The following DYNC2H1 variants were observed in gnomAD, a reference collection of about 807,000 sequenced individuals.
DYNC2H1 encodes the protein dynein cytoplasmic 2 heavy chain 1.
Under a neutral mutation model 570.0 loss-of-function variants are expected in DYNC2H1, and 410 were observed. The observed-to-expected ratio is 0.72, with a 90% CI of 0.66 to 0.78. DYNC2H1 has a LOEUF of 0.78. Ranked by LOEUF, DYNC2H1 falls within the 30% of genes least tolerant of loss-of-function variation. The probability of loss-of-function intolerance (pLI) is 0.00; values close to 1 mark genes in which losing one functional copy is unlikely to be tolerated. For synonymous variants in DYNC2H1, 1,688 were observed against 1,677.6 expected (o/e 1.01, Z -0.15); for missense variants, 4,865 against 5,046.4 (o/e 0.96, Z 1.09).
At chr11:103,444,305 A>G (rs963699501) in intron 85 of DYNC2H1, among the ~76,000 whole-genome samples, 1 of 151,990 alleles carries the variant, frequency 6.6e-6, no homozygotes, top group Non-Finnish European at 1.5e-5. Flanking sequence ...AGACTAAGAT[A>G]ATTTCAACCT....
chr11:103,171,023 T>C lies in DYNC2H1; in HGVS notation c.5289T>C (p.Asp1763=). The C allele has an allele frequency of 6.2e-7, 1 of 1,612,266 alleles. No homozygotes were observed. Among genetic ancestry groups the C allele is most frequent in the South Asian group, 1.1e-5 (1 of 90,858 alleles). ...CTATGCAAATCCAGACAATTCAAGA[T>C]GCTTTGAAGAATCATAGAACTGTAT... is the stretch of plus-strand genomic sequence containing the variant. ...AVSMQIQTIQ[D]ALKNHRTVCE... Residue 1763 remains aspartate (D), a synonymous_variant, in exon 34 of 89, where the codon GAT becomes GAC. Coordinates refer to ENST00000375735, the MANE Select transcript of DYNC2H1 (RefSeq NM_001377.3).
rs952237692 is a variant in DYNC2H1 at position 103,185,337 on chromosome 11, C to G, written c.6633+286C>G. 3.0e-4 allele frequency among the ~76,000 whole-genome samples: 46 copies of G among 151,746 alleles called. No individual in the cohort carries two copies. The highest frequency in any genetic ancestry group is 8.6e-4 in the Admixed American group (13 of 15,184). ...AGACATTTTTGAACCTACTTGTCTACATTAATAATTATTTCATTCATTTAA... is the reference window on the plus strand; with the variant it reads ...AGACATTTTTGAACCTACTTGTCTAGATTAATAATTATTTCATTCATTTAA... On this transcript the variant is annotated intron_variant, in intron 41 of 88. Coordinates refer to ENST00000375735, the MANE Select transcript of DYNC2H1 (RefSeq NM_001377.3). The surrounding 1 kb of genome is among the most constrained non-coding windows in gnomAD (Gnocchi z 4.5).
At chr11:103,322,290 A>G (rs1938251203) in intron 81 of DYNC2H1, among the ~76,000 whole-genome samples, 2 of 152,110 alleles carry the variant, frequency 1.3e-5, no homozygotes, top group South Asian at 4.1e-4. Flanking sequence ...GTGTACCCCA[A>G]CAAGTTTTCC....
At chr11:103,368,945 C>A (rs905519329) in intron 83 of DYNC2H1, among the ~76,000 whole-genome samples, 1 of 152,112 alleles carries the variant, frequency 6.6e-6, no homozygotes, top group East Asian at 1.9e-4. Context: ...CTCCCCTCTA[C>A]CAACCCTGCA....
At chr11:103,356,109 A>C (rs530127636) in intron 82 of DYNC2H1, among the ~76,000 whole-genome samples, 3 of 152,272 alleles carry the variant, frequency 2.0e-5, no homozygotes, top group Non-Finnish European at 2.9e-5. Context: ...ATATGTTGTT[A>C]ATGAATTAAA....
At chr11:103,115,020 G>C (rs1445401345) in intron 3 of DYNC2H1, among the ~76,000 whole-genome samples, 157 bp from the exon 4 acceptor site, 16 of 152,062 alleles carry the variant, frequency 1.1e-4, no homozygotes. Context: ...TTTGTTTATA[G>C]TATGAAATAG....
At chr11:103,385,687 A>C (rs1282456740) in intron 83 of DYNC2H1, among the ~76,000 whole-genome samples, 4 of 152,214 alleles carry the variant, frequency 2.6e-5, no homozygotes, top group Non-Finnish European at 1.5e-5. Flanking sequence ...AAAGCTCTAA[A>C]ACTTGGAATC....
At chr11:103,236,674 A>T in intron 63 of DYNC2H1, 135 bp downstream of exon 63, 2 of 479,402 alleles carry the variant, frequency 4.2e-6, no homozygotes, top group Non-Finnish European at 3.6e-6. Context: ...GCTAATGAAA[A>T]CCCATCAATG....
In DYNC2H1 at chr11:103,277,175, A is replaced by G. The variant is rs1464319606; in HGVS notation, c.10696-3173A>G. 6.6e-6 allele frequency among the ~76,000 whole-genome samples: 1 copy of G among 152,048 alleles called. No homozygotes were observed. The highest frequency in any genetic ancestry group is 1.5e-5 in the Non-Finnish European group (1 of 67,958). ...GTTACCCCCTTTTAGACCTTATATA[A>G]CAGGTGTTAAAAATTTGGTTTTATT... On this transcript the variant is annotated intron_variant, in intron 70 of 88. Transcript: ENST00000375735. The surrounding 1 kb of genome is among the most constrained non-coding windows in gnomAD (Gnocchi z 4.3).
Position 103,468,721 on chromosome 11 carries a change from CA to C in DYNC2H1, c.12765+18del, listed in dbSNP as rs775553101. 4.5e-6 allele frequency: 7 copies of C among 1,554,852 alleles called. No homozygotes were observed. In the East Asian group the frequency reaches 9.0e-5, roughly 20 times the overall value. On this transcript the variant is annotated intron_variant, in intron 88 of 88. Coordinates refer to ENST00000375735, the MANE Select transcript of DYNC2H1 (RefSeq NM_001377.3). ...GATTCCACAGGTAATACATTTTTAA[CA>C]AGCACAAGTTTTAATTATATCAGTT...
chr11:103,390,589 G>A (rs561996532), intron 83 of DYNC2H1, among the ~76,000 whole-genome samples: 4 of 152,286 alleles, frequency 2.6e-5, no homozygotes, highest in African/African-American at 9.6e-5. Flanking sequence ...CTTCTTCCTA[G>A]CCTTGATGGG....
In DYNC2H1 at chr11:103,304,658, G is replaced by A. The variant is rs2135399555; in HGVS notation, c.11320G>A (p.Gly3774Arg). 6.2e-7 allele frequency: 1 copy of A among 1,613,358 alleles called. No individual in the cohort carries two copies. Among genetic ancestry groups the A allele is most frequent in the Non-Finnish European group, 8.5e-7 (1 of 1,179,526 alleles). ...AATGCTAAAAGAATGTGCCCGCAAT[G>A]GAGACTGGCTCTGTTTGAAGAACTT... ...IQMLKECARNGDWLCLKNLHL... is the reference protein window; with the variant it reads ...IQMLKECARNRDWLCLKNLHL... Residue 3774 changes from glycine to arginine, a missense_variant, in exon 77 of 89, where the codon GGA becomes AGA. Gly to Arg is a moderately radical substitution (Grantham distance 125). Transcript: ENST00000375735.
At chr11:103,329,911 T>G (rs1938690644) in intron 82 of DYNC2H1, among the ~76,000 whole-genome samples, 1 of 152,234 alleles carries the variant, frequency 6.6e-6, no homozygotes, top group Non-Finnish European at 1.5e-5. Context: ...TTTCTTTATA[T>G]CTTTTCTAGA....
At position 103,129,083 on chromosome 11, in the gene DYNC2H1, C is replaced by A; in HGVS notation, c.1953+78C>A. 1 of 1,214,986 alleles carries A rather than the reference C, an allele frequency of 8.2e-7. No individual in the cohort carries two copies. Among genetic ancestry groups the A allele is most frequent in the Non-Finnish European group, 1.2e-6 (1 of 861,880 alleles). The allele number at this position is 1,214,986 out of a possible 1,614,324, so 75.3% of individuals were successfully genotyped here. ...ATTCTTAATTTTCCGGTGTTCCCTT[C>A]AGCTTAATATATCAAATGATCTAGA... is the stretch of plus-strand genomic sequence containing the variant. On this transcript the variant is annotated intron_variant, in intron 13 of 88. Transcript: ENST00000375735. This position sits in a 1 kb window ranked among gnomAD's most constrained non-coding sequence, Gnocchi z 4.1.
chr11:103,274,147 TAC>T (rs1466461937), intron 70 of DYNC2H1, among the ~76,000 whole-genome samples: 1 of 148,334 alleles, frequency 6.7e-6, no homozygotes, highest in Admixed American at 6.6e-5. Flanking sequence ...TATATATATA[TAC>T]ACACACATAT....
intron 40 of DYNC2H1, among the ~76,000 whole-genome samples, chr11:103,182,532 G>T (rs536891435): frequency 1.3e-5 from 2 of 151,856 alleles, no homozygotes; most frequent in Non-Finnish European, 2.9e-5. Context: ...TTATCTAATG[G>T]AGAAAAATGA....
intron 5 of DYNC2H1, among the ~76,000 whole-genome samples, 156 bp from the exon 6 acceptor site, chr11:103,117,475 T>C (rs987701723): frequency 6.6e-6 from 1 of 151,882 alleles, no homozygotes; most frequent in Non-Finnish European, 1.5e-5. Flanking sequence ...TATTTGTTAC[T>C]GAGAGTGGTA....
rs1040929984 is a variant in DYNC2H1 at position 103,261,663 on chromosome 11, A to G, written c.10695+1686A>G. Among the ~76,000 whole-genome samples, 1 of 152,214 alleles carries G rather than the reference A, an allele frequency of 6.6e-6. No homozygotes were observed. On this transcript the variant is annotated intron_variant, in intron 70 of 88. Transcript: ENST00000375735. This position sits in a 1 kb window ranked among gnomAD's most constrained non-coding sequence, Gnocchi z 4.8. ...AAGGAATAGCATCAACATCAACAAA[A>G]AGGACATCTATACAAAAACCCCATC...
At position 103,286,239 on chromosome 11, in the gene DYNC2H1, C is replaced by G; in HGVS notation, c.10891-16C>G. The G allele has an allele frequency of 2.5e-6, 4 of 1,611,870 alleles. No individual in the cohort carries two copies. Among genetic ancestry groups the G allele is most frequent in the Non-Finnish European group, 3.4e-6 (4 of 1,179,326 alleles). ...TTGCTTATAGCTCACTGTATATGGC[C>G]ATTTTTATTTTTTAGATTGCTCTCC... On this transcript the variant is annotated splice_polypyrimidine_tract_variant and intron_variant, in intron 73 of 88. Coordinates refer to ENST00000375735, the MANE Select transcript of DYNC2H1 (RefSeq NM_001377.3).
Sources: gnomAD v4.1 joint callset for allele counts (sites outside exome capture counted in the v4.1 genomes callset) on GRCh38, gnomAD v4.1.1 for gene constraint, Gnocchi (gnomAD v3.1) non-coding constraint, MANE v1.5 for transcripts, NCBI Gene and HGNC (gene_info 2026-07-23, HGNC 2026-07-21) for gene names.